Variants in SMYD3 observed in about 807,000 individuals in gnomAD.
The protein encoded by SMYD3 is histone-lysine N-methyltransferase SMYD3.
Under a neutral mutation model 57.7 loss-of-function variants are expected in SMYD3, and 36 were observed. That is an observed-to-expected ratio of 0.62 (90% confidence interval 0.48 to 0.82). The LOEUF is 0.82. Ranked by LOEUF, SMYD3 falls within the 40% of genes least tolerant of loss-of-function variation. The pLI is 0.00. For synonymous variants in SMYD3, 211 were observed against 195.0 expected (o/e 1.08, Z -0.68); for missense variants, 515 against 538.8 (o/e 0.96, Z 0.44).
intron 1 of SMYD3, chr1:246,417,422 T>C (rs1263393517): frequency 6.6e-6 from 1 of 152,154 alleles, no homozygotes; most frequent in East Asian, 1.9e-4. Context: ...CCTCGAAAGC[T>C]TGGAGCCCAG....
chr1:246,206,255 C>T (rs2062998436), intron 5 of SMYD3, among the ~76,000 whole-genome samples: 1 of 148,208 alleles, frequency 6.7e-6, no homozygotes, highest in African/African-American at 2.5e-5. Flanking sequence ...TATAACTAAA[C>T]ATCAAAATGG....
chr1:246,305,369 T>C (rs2064962713), intron 5 of SMYD3, among the ~76,000 whole-genome samples: 1 of 152,234 alleles, frequency 6.6e-6, no homozygotes, highest in African/African-American at 2.4e-5. Context: ...AGCTTCCTTG[T>C]TATCTTCAAT....
chr1:246,236,948 C>T (rs2148465134), intron 5 of SMYD3, among the ~76,000 whole-genome samples: 1 of 152,310 alleles, frequency 6.6e-6, no homozygotes, highest in East Asian at 1.9e-4. Flanking sequence ...ACTGTTTCTC[C>T]ATTCCTCCAC....
intron 5 of SMYD3, among the ~76,000 whole-genome samples, chr1:246,057,120 T>C (rs1356479794): frequency 6.6e-6 from 1 of 152,198 alleles, no homozygotes; most frequent in African/African-American, 2.4e-5. Context: ...CAGTAAGACA[T>C]TGTCTATAAA....
intron 1 of SMYD3, among the ~76,000 whole-genome samples, chr1:246,435,838 G>A (rs545316511): frequency 2.6e-5 from 4 of 152,106 alleles, no homozygotes; most frequent in African/African-American, 7.2e-5. Context: ...GACAAAACAC[G>A]CTAAATGAAG....
At chr1:246,060,315 T>C (rs2060229408) in intron 5 of SMYD3, among the ~76,000 whole-genome samples, 1 of 151,914 alleles carries the variant, frequency 6.6e-6, no homozygotes, top group African/African-American at 2.4e-5. Context: ...TGCGTTTTTT[T>C]TTTTAAACAT....
chr1:246,359,858 T>C (rs953794727), intron 1 of SMYD3, among the ~76,000 whole-genome samples: 3 of 152,184 alleles, frequency 2.0e-5, no homozygotes, highest in Non-Finnish European at 4.4e-5. Flanking sequence ...AACATTACAC[T>C]GAACAGGGAA....
intron 5 of SMYD3, among the ~76,000 whole-genome samples, chr1:246,093,535 A>G (rs752487178): frequency 9.8e-5 from 15 of 152,340 alleles, no homozygotes; most frequent in Non-Finnish European, 2.1e-4. Flanking sequence ...CAAATATGTT[A>G]TGTTCTCACT....
intron 5 of SMYD3, among the ~76,000 whole-genome samples, chr1:246,210,959 C>G (rs969623565): frequency 6.6e-6 from 1 of 152,124 alleles, no homozygotes; most frequent in African/African-American, 2.4e-5. Flanking sequence ...ACCACTGTCC[C>G]AGGCGCGTCT....
intron 1 of SMYD3, among the ~76,000 whole-genome samples, chr1:246,475,289 C>T (rs77802022): frequency 0.077 from 11,556 of 150,116 alleles, 1,455 homozygotes; most frequent in African/African-American, 0.26. Flanking sequence ...GAGCCCACCA[C>T]TGCATTCCAG....
chr1:246,449,831 C>T (rs7527610), intron 1 of SMYD3, among the ~76,000 whole-genome samples: 141,586 of 152,188 alleles, frequency 0.93, 66,336 homozygotes, highest in Non-Finnish European at 0.99. Flanking sequence ...TATGAACCTG[C>T]TGACGTTAGG....
chr1:246,356,311 T>G (rs770003384), intron 1 of SMYD3, among the ~76,000 whole-genome samples: 15 of 152,220 alleles, frequency 9.9e-5, no homozygotes, highest in Non-Finnish European at 2.2e-4. Flanking sequence ...TTGAGTCCCA[T>G]GTCTCCCCTC....
chr1:246,323,999 A>G (rs947393664), intron 5 of SMYD3, among the ~76,000 whole-genome samples: 1 of 152,202 alleles, frequency 6.6e-6, no homozygotes, highest in African/African-American at 2.4e-5. Context: ...GATTCATTCT[A>G]CTAGTCCCTC....
intron 5 of SMYD3, among the ~76,000 whole-genome samples, chr1:246,300,404 C>T (rs1300783469): frequency 6.6e-6 from 1 of 152,138 alleles, no homozygotes; most frequent in African/African-American, 2.4e-5. Context: ...TGTCTATAGT[C>T]TGCTGTTGTT....
chr1:246,265,402 G>C (rs2064086295), intron 5 of SMYD3, among the ~76,000 whole-genome samples: 1 of 151,980 alleles, frequency 6.6e-6, no homozygotes, highest in South Asian at 2.1e-4. Flanking sequence ...GCCTCTCAAA[G>C]TGCTAGGATT....
intron 5 of SMYD3, among the ~76,000 whole-genome samples, chr1:246,150,027 A>G (rs1374974123): frequency 2.6e-5 from 4 of 152,266 alleles, no homozygotes; most frequent in Non-Finnish European, 5.9e-5. Flanking sequence ...CCGCAGCTAT[A>G]GAGAAAGAAA....
chr1:246,416,928 C>T (rs149957858), intron 1 of SMYD3, among the ~76,000 whole-genome samples: 1 of 152,194 alleles, frequency 6.6e-6, no homozygotes, highest in East Asian at 1.9e-4. Context: ...CATTAAATTA[C>T]CAGGAAAGAT....
chr1:245,919,804 C>T (rs1417022913), intron 7 of SMYD3, among the ~76,000 whole-genome samples: 1 of 152,246 alleles, frequency 6.6e-6, no homozygotes, highest in South Asian at 2.1e-4. Flanking sequence ...TGGCACAGAA[C>T]AAAATTGCAT....
intron 5 of SMYD3, chr1:245,947,304 C>T: frequency 2.2e-6 from 1 of 449,592 alleles, no homozygotes; most frequent in Admixed American, 2.4e-5. Context: ...GAAGCCTTGG[C>T]ACTCTGTCAT....
Sources: gnomAD v4.1 joint callset for allele counts (sites outside exome capture counted in the v4.1 genomes callset) on GRCh38, gnomAD v4.1.1 for gene constraint, MANE v1.5 for transcripts, NCBI Gene and HGNC (gene_info 2026-07-23, HGNC 2026-07-21) for gene names.